The following ZHX3 variants were observed in gnomAD, a reference collection of about 807,000 sequenced individuals.
ZHX3 encodes the protein zinc fingers and homeoboxes protein 3.
In ZHX3, 20 loss-of-function variants were observed where a neutral mutation model predicts 64.5. The observed-to-expected ratio is 0.31, with a 90% CI of 0.22 to 0.45. The LOEUF (loss-of-function observed/expected upper bound fraction) is 0.45. Ranked by LOEUF, ZHX3 falls within the 20% of genes least tolerant of loss-of-function variation. The pLI is 1.00. For synonymous variants in ZHX3, 423 were observed against 461.6 expected (o/e 0.92, Z 1.07); for missense variants, 1,041 against 1,195.8 (o/e 0.87, Z 1.91).
chr20:41,298,188 G>A (rs749085026), intron 1 of ZHX3, among the ~76,000 whole-genome samples: 6 of 152,188 alleles, frequency 3.9e-5, no homozygotes, highest in Non-Finnish European at 7.3e-5. Context: ...CAGCAGCATA[G>A]TGGCACATTA....
chr20:41,242,804 C>T (rs977398633), intron 2 of ZHX3, among the ~76,000 whole-genome samples: 1 of 152,184 alleles, frequency 6.6e-6, no homozygotes, highest in Non-Finnish European at 1.5e-5. Context: ...CTAGATAGTA[C>T]TTCCATTGTT....
intron 3 of ZHX3, among the ~76,000 whole-genome samples, chr20:41,194,939 T>C (rs950514181): frequency 1.3e-5 from 2 of 152,164 alleles, no homozygotes; most frequent in Non-Finnish European, 2.9e-5. Context: ...GTAATTTAAG[T>C]CTTCTCTTTC....
chr20:41,268,903 T>A (rs1368936811), intron 2 of ZHX3, 87 bp downstream of exon 2: 1 of 152,236 alleles, frequency 6.6e-6, no homozygotes. Flanking sequence ...GACTTCTGCA[T>A]TACAAAGTTG....
intron 2 of ZHX3, among the ~76,000 whole-genome samples, chr20:41,223,446 C>T (rs2040078503): frequency 6.6e-6 from 1 of 152,174 alleles, no homozygotes; most frequent in Admixed American, 6.5e-5. Context: ...TCAATTATGG[C>T]ACACTTATAC....
chr20:41,250,501 T>C (rs372173651), intron 2 of ZHX3, among the ~76,000 whole-genome samples: 1 of 152,230 alleles, frequency 6.6e-6, no homozygotes, highest in East Asian at 1.9e-4. Context: ...CTGGGCAACA[T>C]GGCAAAACCA....
intron 1 of ZHX3, among the ~76,000 whole-genome samples, chr20:41,297,382 ACC>A (rs1172351873): frequency 6.6e-6 from 1 of 152,042 alleles, no homozygotes; most frequent in Non-Finnish European, 1.5e-5. Context: ...AGTTCTAGGC[ACC>A]CCCATGTTTT....
chr20:41,298,712 A>T (rs1194431460), intron 1 of ZHX3, among the ~76,000 whole-genome samples: 1 of 152,132 alleles, frequency 6.6e-6, no homozygotes, highest in East Asian at 1.9e-4. Context: ...TGCTAACAAA[A>T]CCTCAGGATA....
chr20:41,237,932 C>T (rs567387232), intron 2 of ZHX3, among the ~76,000 whole-genome samples: 37 of 152,172 alleles, frequency 2.4e-4, no homozygotes, highest in South Asian at 4.2e-4. Flanking sequence ...AAACACAGCC[C>T]TGGCTTACAC....
chr20:41,290,268 T>A (rs1367457710), intron 1 of ZHX3: 1 of 152,228 alleles, frequency 6.6e-6, no homozygotes, highest in East Asian at 1.9e-4. Flanking sequence ...CAGAATAGAT[T>A]TTATTTCTCT....
At chr20:41,260,077 A>G (rs746153370) in intron 2 of ZHX3, among the ~76,000 whole-genome samples, 4 of 152,164 alleles carry the variant, frequency 2.6e-5, no homozygotes, top group Non-Finnish European at 5.9e-5. Context: ...CTCCATGGAT[A>G]CAATAATGTA....
intron 2 of ZHX3, among the ~76,000 whole-genome samples, chr20:41,243,360 C>A (rs1437298660): frequency 1.3e-5 from 2 of 152,176 alleles, no homozygotes; most frequent in Non-Finnish European, 2.9e-5. Flanking sequence ...CAGTTCCATT[C>A]TTCCCCATGA....
chr20:41,234,177 G>A (rs2040810736), intron 2 of ZHX3, among the ~76,000 whole-genome samples: 1 of 152,178 alleles, frequency 6.6e-6, no homozygotes, highest in South Asian at 2.1e-4. Context: ...TGCACTGGTG[G>A]CACTGCATTG....
At chr20:41,284,973 C>T (rs1191162899) in intron 1 of ZHX3, among the ~76,000 whole-genome samples, 1 of 152,084 alleles carries the variant, frequency 6.6e-6, no homozygotes, top group Non-Finnish European at 1.5e-5. Context: ...CATATACTTC[C>T]TCTCCCATCC....
chr20:41,270,374 CAAA>C (rs71193635), intron 1 of ZHX3, among the ~76,000 whole-genome samples: 55 of 83,540 alleles, frequency 6.6e-4, no homozygotes, highest in African/African-American at 1.1e-3. Flanking sequence ...AAACTCCGTC[CAAA>C]AAAAAAAAAA....
At chr20:41,280,046 A>C (rs1315696173) in intron 1 of ZHX3, among the ~76,000 whole-genome samples, 1 of 152,204 alleles carries the variant, frequency 6.6e-6, no homozygotes, top group Non-Finnish European at 1.5e-5. Flanking sequence ...CCACCCACAC[A>C]GGCGCTGGGA....
At chr20:41,197,159 T>C in intron 3 of ZHX3, 1 of 210,428 alleles carries the variant, frequency 4.8e-6, no homozygotes, top group South Asian at 8.9e-5. Context: ...GGGATCATCT[T>C]GGCTGAGTCT....
chr20:41,272,831 A>G (rs2043208429), intron 1 of ZHX3, among the ~76,000 whole-genome samples: 1 of 152,186 alleles, frequency 6.6e-6, no homozygotes, highest in South Asian at 2.1e-4. Flanking sequence ...TAGTGTTGCC[A>G]TGAACATGAG....
intron 1 of ZHX3, among the ~76,000 whole-genome samples, chr20:41,287,530 A>C (rs927679388): frequency 1.3e-5 from 2 of 152,134 alleles, no homozygotes; most frequent in Non-Finnish European, 2.9e-5. Context: ...TGTCACTTCC[A>C]AGATTAAGTC....
chr20:41,235,656 G>A (rs1407783236), intron 2 of ZHX3, among the ~76,000 whole-genome samples: 7 of 152,142 alleles, frequency 4.6e-5, no homozygotes, highest in Admixed American at 3.9e-4. Flanking sequence ...CAAACCCACA[G>A]CCAATATCAT....
Sources: gnomAD v4.1 joint callset for allele counts (sites outside exome capture counted in the v4.1 genomes callset) on GRCh38, gnomAD v4.1.1 for gene constraint, MANE v1.5 for transcripts, NCBI Gene and HGNC (gene_info 2026-07-23, HGNC 2026-07-21) for gene names.